Variants in EVI5L observed in about 807,000 individuals in gnomAD.
The protein encoded by EVI5L is EVI5-like protein.
EVI5L carries 30 observed loss-of-function variants against 106.1 expected under a neutral mutation model. The observed-to-expected ratio is 0.28, with a 90% confidence interval of 0.21 to 0.38. The LOEUF (loss-of-function observed/expected upper bound fraction) is 0.38, where lower values mean the gene tolerates loss of function less well. EVI5L is among the 10% of genes least tolerant of loss of function. EVI5L has a pLI of 1.00. For missense variants in EVI5L, 809 were observed against 1,098.0 expected, an observed-to-expected ratio of 0.74 and a Z score of 3.72; for synonymous variants, 489 against 483.3, an observed-to-expected ratio of 1.01 and a Z score of -0.15.
chr19:7,844,276 G>A (rs1978848866), intron 1 of EVI5L, among the ~76,000 whole-genome samples: 2 of 149,708 alleles, frequency 1.3e-5, no homozygotes, highest in African/African-American at 2.5e-5. Context: ...AGGTTGCAGT[G>A]AGCCAAGATT....
rs754581273 is a variant in EVI5L, at chr19:7,848,903, T to G, written c.328-18T>G. The G allele has an allele frequency of 1.9e-6, 3 of 1,600,956 alleles. No homozygotes were observed. The Admixed American group carries it at 5.0e-5, about 27-fold the overall frequency. ...GCTGGGACCGAGTCCAGCCCCCGCT[T>G]CCCGCTCCCGTGGCCAGGAGCTGAT... On this transcript the variant is annotated intron_variant, in intron 3 of 19. Transcript: ENST00000538904. This position sits in a 1 kb window ranked among gnomAD's most constrained non-coding sequence, Gnocchi z 4.8.
At position 7,863,866 on chromosome 19, in the gene EVI5L, G is replaced by A; in HGVS notation, c.*164G>A. 1.0e-6 allele frequency: 1 copy of A among 987,950 alleles called. No homozygotes were observed. The highest frequency in any genetic ancestry group is 1.4e-6 in the Non-Finnish European group (1 of 713,186). The allele number at this position is 987,950 out of a possible 1,614,324, so 61.2% of individuals were successfully genotyped here. ...CGAGGCAGCGCAGAGGGTAGGGTCC[G>A]ACCTGGGCTCCTCAGGGCCCCGGGG... On this transcript the variant is annotated 3_prime_UTR_variant, in exon 20 of 20. Transcript: ENST00000538904. This position sits in a 1 kb window ranked among gnomAD's most constrained non-coding sequence, Gnocchi z 7.7.
chr19:7,853,376 T>C (rs1383005228), intron 10 of EVI5L, 43 bp downstream of exon 10: 3 of 1,581,068 alleles, frequency 1.9e-6, no homozygotes, highest in Non-Finnish European at 2.6e-6. Context: ...ATGGGAGGCC[T>C]TTGGGGGCTG....
In EVI5L at chr19:7,845,741, C is replaced by T. The variant is rs761733965; in HGVS notation, c.-47-755C>T. ...AGGCGAGAGGCCAGTGTCCTTGAAG[C>T]CCCCAGAAGGGTCGGGCCAGATGAC... On this transcript the variant is annotated intron_variant, in intron 1 of 19. Coordinates refer to ENST00000538904, the MANE Select transcript of EVI5L (RefSeq NM_001159944.3). This position sits in a 1 kb window ranked among gnomAD's most constrained non-coding sequence, Gnocchi z 4.0. 1.1e-4 allele frequency among the ~76,000 whole-genome samples: 17 copies of T among 152,156 alleles called. No individual in the cohort carries two copies. Among genetic ancestry groups the T allele is most frequent in the Non-Finnish European group, 2.9e-5 (2 of 68,008 alleles).
chr19:7,863,456 G>A lies in EVI5L; in HGVS notation c.2172G>A (p.Glu724=), dbSNP rs535201190. 16 of 1,558,950 alleles carry A rather than the reference G, an allele frequency of 1.0e-5. No homozygotes were observed. The East Asian group carries it at 3.4e-4, about 33-fold the overall frequency. The stretch of plus-strand genomic sequence containing the variant: ...TGCTGAAGGGCCCGCCGCCCTTCGA[G>A]GACCCGCTGGCTTTCGATGGGCTGA... ...VRLLKGPPPF[E]DPLAFDGLSL... The change falls in exon 20 of 20, where the codon GAG becomes GAA. Residue 724 remains glutamate, a synonymous_variant. Transcript: ENST00000538904. This position sits in a 1 kb window ranked among gnomAD's most constrained non-coding sequence, Gnocchi z 7.7.
intron 1 of EVI5L, among the ~76,000 whole-genome samples, chr19:7,839,306 A>C (rs1482929144): frequency 8.2e-6 from 1 of 121,298 alleles, no homozygotes; most frequent in African/African-American, 2.9e-5. Context: ...CCATCCATCT[A>C]AAAAAAAAAA....
Position 7,857,383 on chromosome 19 carries a change from C to T in EVI5L, c.1233+259C>T, listed in dbSNP as rs1599576846. On this transcript the variant is annotated intron_variant, in intron 12 of 19. Transcript: ENST00000538904. The surrounding 1 kb of genome is among the most constrained non-coding windows in gnomAD (Gnocchi z 4.5). The stretch of plus-strand genomic sequence containing the variant: ...GTCCACATGCATGTACAGAAAGCTT[C>T]CTCCGGGCGACACAGGGTGGGGACC... 8 of 599,426 alleles carry T rather than the reference C, an allele frequency of 1.3e-5. No individual in the cohort carries two copies. The highest frequency in any genetic ancestry group is 2.4e-5 in the Non-Finnish European group (8 of 336,706). 37.1% of individuals were successfully genotyped at this position (599,426 alleles called of 1,614,324 possible).
Position 7,850,622 on chromosome 19 carries a change from C to A in EVI5L, c.753+500C>A, listed in dbSNP as rs970075087. On this transcript the variant is annotated intron_variant, in intron 6 of 19. Coordinates refer to ENST00000538904, the MANE Select transcript of EVI5L (RefSeq NM_001159944.3). This position sits in a 1 kb window ranked among gnomAD's most constrained non-coding sequence, Gnocchi z 5.4. ...GCATACACACACACGCAGACACACACACACACACCGGCCCGCCTCAGCTGC... is the reference window on the plus strand; with the variant it reads ...GCATACACACACACGCAGACACACAAACACACACCGGCCCGCCTCAGCTGC... Among the ~76,000 whole-genome samples, 2 of 152,224 alleles carry A rather than the reference C, an allele frequency of 1.3e-5. No homozygotes were observed. Among genetic ancestry groups the A allele is most frequent in the African/African-American group, 4.8e-5 (2 of 41,456 alleles).
intron 1 of EVI5L, among the ~76,000 whole-genome samples, chr19:7,843,447 GGT>G (rs1339116801): frequency 2.1e-5 from 2 of 95,412 alleles, no homozygotes; most frequent in South Asian, 4.0e-4. Context: ...TGTGTGTATG[GGT>G]GTGTGAGTGT....
intron 6 of EVI5L, among the ~76,000 whole-genome samples, chr19:7,851,213 G>A (rs1979234149): frequency 1.3e-5 from 2 of 152,136 alleles, no homozygotes; most frequent in African/African-American, 2.4e-5. Flanking sequence ...GGCGGCTACA[G>A]ATCTTGCCAT....
chr19:7,847,191 C>T (rs1978991140), intron 2 of EVI5L, among the ~76,000 whole-genome samples: 1 of 152,098 alleles, frequency 6.6e-6, no homozygotes, highest in East Asian at 1.9e-4. Flanking sequence ...ACTTGGGAGC[C>T]TGAGGCAGGA....
chr19:7,852,953 A>G, intron 8 of EVI5L, 133 bp from the exon 9 acceptor site: 1 of 769,884 alleles, frequency 1.3e-6, no homozygotes, highest in Non-Finnish European at 2.2e-6. Flanking sequence ...AACACTGAGG[A>G]CACGGCGTTG....
rs1978677979 is a variant in EVI5L, at chr19:7,842,586, GCA to G, written c.-47-3909_-47-3908del. Among the ~76,000 whole-genome samples the G allele has an allele frequency of 2.0e-5, 3 of 150,434 alleles. 1 individual carries two copies. The South Asian group carries it at 6.4e-4, about 32-fold the overall frequency. The stretch of plus-strand genomic sequence containing the variant: ...TGAATTGTGTGTGTGCATGTATCAA[GCA>G]TGTGTGAATGTGCATGGGTGTGTAT... On this transcript the variant is annotated intron_variant, in intron 1 of 19. Coordinates refer to ENST00000538904, the MANE Select transcript of EVI5L (RefSeq NM_001159944.3).
chr19:7,837,188 G>A (rs1436817439), intron 1 of EVI5L, among the ~76,000 whole-genome samples: 14 of 151,422 alleles, frequency 9.2e-5, no homozygotes, highest in Admixed American at 2.6e-4. Context: ...GAAATTAGCC[G>A]GGCGTGGTGG....
chr19:7,832,993 A>G (rs1978300280), intron 1 of EVI5L, among the ~76,000 whole-genome samples: 1 of 151,932 alleles, frequency 6.6e-6, no homozygotes, highest in East Asian at 1.9e-4. Context: ...AGGAAACTAA[A>G]CTCTACAGCC....
chr19:7,847,586 AAAG>A (rs1979012915), intron 2 of EVI5L, 143 bp from the exon 3 acceptor site: 2 of 712,196 alleles, frequency 2.8e-6, no homozygotes, highest in African/African-American at 2.0e-5. Flanking sequence ...ACTCCATCTC[AAAG>A]AAGAAGAAAA....
At chr19:7,844,978 TGTGGGAAGGTGCCCA>T (rs1164938502) in intron 1 of EVI5L, among the ~76,000 whole-genome samples, 1 of 152,096 alleles carries the variant, frequency 6.6e-6, no homozygotes, top group Admixed American at 6.5e-5. Context: ...GAGTTTGGGC[TGTGGGAAGGTGCCCA>T]GTGACCCAAC....
Position 7,862,292 on chromosome 19 carries a change from C to T in EVI5L, c.1800+15C>T, listed in dbSNP as rs1339093495. ...TTGAGACGCAGGTGGACTCGGGGGG[C>T]CTGCTCGTTGGGGAAGGGGCGTGGT... On this transcript the variant is annotated intron_variant, in intron 16 of 19. Coordinates refer to ENST00000538904, the MANE Select transcript of EVI5L (RefSeq NM_001159944.3). 1.3e-6 allele frequency: 2 copies of T among 1,582,340 alleles called. No individual in the cohort carries two copies. Among genetic ancestry groups the T allele is most frequent in the South Asian group, 1.1e-5 (1 of 87,168 alleles).
chr19:7,850,514 A>T lies in EVI5L; in HGVS notation c.753+392A>T, dbSNP rs904593634. 1.3e-5 allele frequency among the ~76,000 whole-genome samples: 2 copies of T among 152,152 alleles called. No individual in the cohort carries two copies. The highest frequency in any genetic ancestry group is 6.5e-5 in the Admixed American group (1 of 15,284). On this transcript the variant is annotated intron_variant, in intron 6 of 19. Transcript: ENST00000538904. The surrounding 1 kb of genome is among the most constrained non-coding windows in gnomAD (Gnocchi z 5.4). ...ACTGGAGAGCCGCAGACGTCTGTTT[A>T]TAAATAGCAGCCCCCGCAGGGCCTG...
Sources: gnomAD v4.1 joint callset for allele counts (sites outside exome capture counted in the v4.1 genomes callset) on GRCh38, gnomAD v4.1.1 for gene constraint, Gnocchi (gnomAD v3.1) non-coding constraint, MANE v1.5 for transcripts, NCBI Gene and HGNC (gene_info 2026-07-23, HGNC 2026-07-21) for gene names.